ZEB2: variants seen among roughly 807,000 people sequenced by gnomAD.
ZEB2 encodes the protein zinc finger E-box-binding homeobox 2.
A neutral mutation model predicts 99.9 loss-of-function variants in ZEB2; 6 were observed. That is an observed-to-expected ratio of 0.06 (90% CI 0.03 to 0.12). The LOEUF is 0.12. ZEB2 is among the 10% of genes least tolerant of loss of function. The pLI, the probability that ZEB2 is intolerant of heterozygous loss-of-function variation, is 1.00. For missense variants in ZEB2, 969 were observed against 1,502.8 expected, an observed-to-expected ratio of 0.64 and a Z score of 5.87; for synonymous variants, 517 against 542.5, an observed-to-expected ratio of 0.95 and a Z score of 0.65.
At chr2:144,430,112 A>T in intron 2 of ZEB2, 86 bp from the exon 3 acceptor site, 1 of 1,541,986 alleles carries the variant, frequency 6.5e-7, no homozygotes. Flanking sequence ...ATGGAAAATA[A>T]TTAATATTTT....
intron 3 of ZEB2, chr2:144,426,624 A>G (rs554747751): frequency 1.3e-5 from 2 of 152,226 alleles, no homozygotes; most frequent in South Asian, 4.1e-4. Context: ...TTCCCAAATT[A>G]ATAAATGCTG....
Position 144,517,536 on chromosome 2 carries a change from C to A in ZEB2, c.-69-117G>T, listed in dbSNP as rs568718863. ...GAGCACCCATCCGCGCCCCCCAACG[C>A]CAAAGCGAAACTTCGGCGGCCCCCT... is the stretch of plus-strand genomic sequence containing the variant. On this transcript the variant is annotated intron_variant, in intron 1 of 9. Coordinates refer to ENST00000627532, the MANE Select transcript of ZEB2 (RefSeq NM_014795.4). The A allele has an allele frequency of 6.8e-5, 49 of 719,246 alleles. No homozygotes were observed. The African/African-American group carries it at 7.4e-4, about 11-fold the overall frequency. The allele number at this position is 719,246 out of a possible 1,614,324, so 44.6% of individuals were successfully genotyped here.
At chr2:144,486,990 C>T (rs1393877548) in intron 2 of ZEB2, among the ~76,000 whole-genome samples, 1 of 152,110 alleles carries the variant, frequency 6.6e-6, no homozygotes, top group African/African-American at 2.4e-5. Context: ...AGCTCAAACA[C>T]TGTACTTAAT....
intron 2 of ZEB2, among the ~76,000 whole-genome samples, chr2:144,484,769 A>G (rs1704570449): frequency 6.6e-6 from 1 of 151,862 alleles, no homozygotes; most frequent in South Asian, 2.1e-4. Context: ...GTGGGAACCC[A>G]CTTATTGCCA....
At chr2:144,394,708 T>C (rs1703198048) in intron 9 of ZEB2, among the ~76,000 whole-genome samples, 1 of 152,206 alleles carries the variant, frequency 6.6e-6, no homozygotes, top group African/African-American at 2.4e-5. Flanking sequence ...ATCATTAAAC[T>C]TTTAAAATAA....
chr2:144,392,825 G>C (rs945792377), intron 9 of ZEB2, among the ~76,000 whole-genome samples: 2 of 151,990 alleles, frequency 1.3e-5, no homozygotes, highest in Admixed American at 1.3e-4. Context: ...GCTTTCTTAG[G>C]GTAAATATTT....
At chr2:144,479,452 C>T (rs1704476872) in intron 2 of ZEB2, among the ~76,000 whole-genome samples, 1 of 152,124 alleles carries the variant, frequency 6.6e-6, no homozygotes, top group Non-Finnish European at 1.5e-5. Context: ...TGTGCGGGTC[C>T]TGCCAGGCTA....
At position 144,385,373 on chromosome 2, in the gene ZEB2, A is replaced by C. The variant is rs986951095; in HGVS notation, c.*4078T>G. On this transcript the variant is annotated 3_prime_UTR_variant, in exon 10 of 10. Coordinates refer to ENST00000627532, the MANE Select transcript of ZEB2 (RefSeq NM_014795.4). ...CCTCAGCTGCCCTATAAAATCTATA[A>C]TAAGGTGGTTTTCATATATATATTT... 2.0e-5 allele frequency: 3 copies of C among 151,498 alleles called. No homozygotes were observed. Among genetic ancestry groups the C allele is most frequent in the Non-Finnish European group, 4.4e-5 (3 of 68,018 alleles). 9.4% of individuals were successfully genotyped at this position (151,498 alleles called of 1,614,324 possible). A position where few individuals can be genotyped will look rare whatever the true frequency, so the allele number is the denominator to read the frequency against.
intron 2 of ZEB2, among the ~76,000 whole-genome samples, chr2:144,441,780 A>G (rs1210343944): frequency 6.6e-6 from 1 of 152,202 alleles, no homozygotes; most frequent in Non-Finnish European, 1.5e-5. Context: ...TGCATGATCT[A>G]TGACCCACAC....
At chr2:144,469,962 T>G (rs1704332838) in intron 2 of ZEB2, among the ~76,000 whole-genome samples, 1 of 152,170 alleles carries the variant, frequency 6.6e-6, no homozygotes, top group Non-Finnish European at 1.5e-5. Context: ...TACACGTGCA[T>G]CAGATACAGA....
At chr2:144,472,903 T>C (rs1704378274) in intron 2 of ZEB2, among the ~76,000 whole-genome samples, 1 of 151,972 alleles carries the variant, frequency 6.6e-6, no homozygotes, top group Non-Finnish European at 1.5e-5. Context: ...ATGTATGAAG[T>C]GAACATTAGA....
At chr2:144,433,381 G>A (rs1204002051) in intron 2 of ZEB2, among the ~76,000 whole-genome samples, 1 of 152,162 alleles carries the variant, frequency 6.6e-6, no homozygotes, top group Non-Finnish European at 1.5e-5. Context: ...GTATTACAGG[G>A]AAATTTGCCA....
rs1310384828 is a variant in ZEB2, at chr2:144,406,117, T to A, written c.404-1093A>T. The stretch of plus-strand genomic sequence containing the variant: ...AACAATATTATAGTATTTGACATAC[T>A]AATTCTCTTTGGCAACTGTGGCAGG... On this transcript the variant is annotated intron_variant, in intron 4 of 9. Transcript: ENST00000627532. Among the ~76,000 whole-genome samples the A allele has an allele frequency of 2.6e-5, 4 of 152,360 alleles. No individual in the cohort carries two copies. The East Asian group carries it at 5.8e-4, about 22-fold the overall frequency.
rs1553968392 is a variant in ZEB2 at position 144,483,150 on chromosome 2, A to ACACACACACACACATGCG, written c.73+34127_73+34128insCGCATGTGTGTGTGTGTG. Among the ~76,000 whole-genome samples the ACACACACACACACATGCG allele has an allele frequency of 3.8e-3, 564 of 149,646 alleles. 11 individuals carry two copies. In the East Asian group the frequency reaches 0.04, roughly 11 times the overall value. ...CACACACACACACACACACACACAC[A>ACACACACACACACATGCG]CACACACACACACATACCCTAAGAC... On this transcript the variant is annotated intron_variant, in intron 2 of 9. Transcript: ENST00000627532.
intron 2 of ZEB2, among the ~76,000 whole-genome samples, chr2:144,508,671 G>A (rs1199153721): frequency 6.6e-6 from 1 of 151,822 alleles, no homozygotes; most frequent in African/African-American, 2.4e-5. Flanking sequence ...CTGAGGCCCT[G>A]ACTCTGAGGT....
chr2:144,472,579 A>G (rs1704373372), intron 2 of ZEB2, among the ~76,000 whole-genome samples: 1 of 152,172 alleles, frequency 6.6e-6, no homozygotes, highest in Non-Finnish European at 1.5e-5. Context: ...TTTACAGATG[A>G]GGAAGCTGAG....
intron 2 of ZEB2, among the ~76,000 whole-genome samples, chr2:144,492,325 G>C (rs931746599): frequency 6.6e-6 from 1 of 152,168 alleles, no homozygotes; most frequent in African/African-American, 2.4e-5. Context: ...ATTAAATGTT[G>C]ATTGACTTGT....
chr2:144,491,513 A>C (rs1422311435), intron 2 of ZEB2, among the ~76,000 whole-genome samples: 4 of 152,190 alleles, frequency 2.6e-5, no homozygotes, highest in Admixed American at 2.0e-4. Flanking sequence ...TGCCGGGCAG[A>C]CTTTTTGTTG....
At chr2:144,390,230 T>C (rs1703138857) in intron 9 of ZEB2, among the ~76,000 whole-genome samples, 1 of 152,182 alleles carries the variant, frequency 6.6e-6, no homozygotes, top group African/African-American at 2.4e-5. Context: ...GCTGATGCAA[T>C]GTAGTTAATA....
Sources: gnomAD v4.1 joint callset for allele counts (sites outside exome capture counted in the v4.1 genomes callset) on GRCh38, gnomAD v4.1.1 for gene constraint, MANE v1.5 for transcripts, NCBI Gene and HGNC (gene_info 2026-07-23, HGNC 2026-07-21) for gene names.